EML6: variants seen among roughly 807,000 people sequenced by gnomAD.
The protein encoded by EML6 is echinoderm microtubule-associated protein-like 6.
A neutral mutation model predicts 240.1 loss-of-function variants in EML6; 154 were observed. The ratio of observed to expected loss-of-function variants is 0.64; its 90% CI spans 0.56 to 0.73. The LOEUF is 0.73. Among genes scored for constraint, EML6 ranks in the 30% least tolerant of loss-of-function variants. The pLI is 0.00. For synonymous variants in EML6, 1,148 were observed against 899.0 expected (o/e 1.28, Z -4.95); for missense variants, 2,964 against 2,474.6 (o/e 1.20, Z -4.20).
chr2:54,931,166 C>T (rs968187012), intron 28 of EML6, among the ~76,000 whole-genome samples: 7 of 152,004 alleles, frequency 4.6e-5, no homozygotes, highest in Admixed American at 4.6e-4. Context: ...ACCGTGTTAG[C>T]CAGGATGGTC....
chr2:54,847,871 A>T (rs994799479), intron 9 of EML6, among the ~76,000 whole-genome samples: 1 of 152,186 alleles, frequency 6.6e-6, no homozygotes, highest in African/African-American at 2.4e-5. Context: ...TAATCTAGTA[A>T]TCTCTTAGTA....
rs1285075755 is a variant in EML6 at position 54,910,970 on chromosome 2, G to A, written c.3426G>A (p.Val1142=). 6.5e-7 allele frequency: 1 copy of A among 1,532,752 alleles called. No individual in the cohort carries two copies. Among genetic ancestry groups the A allele is most frequent in the Non-Finnish European group, 8.8e-7 (1 of 1,133,228 alleles). 94.9% of individuals were successfully genotyped at this position (1,532,752 alleles called of 1,614,324 possible). A position where few individuals can be genotyped will look rare whatever the true frequency, so the allele number is the denominator to read the frequency against. The change falls in exon 25 of 42, where the codon GTG becomes GTA. Residue 1142 remains valine, a synonymous_variant. Transcript: ENST00000356458. ...TCGTAACAGGAAAATTATTGCAAGT[G>A]AATTCAGGTGCCAGAGAACAACTTT... ...DWDSRGKLLQ[V]NSGAREQLFF...
intron 24 of EML6, among the ~76,000 whole-genome samples, chr2:54,905,919 T>C (rs1003194764): frequency 1.4e-5 from 2 of 143,756 alleles, no homozygotes; most frequent in Non-Finnish European, 3.2e-5. Flanking sequence ...ATTTTGCTTA[T>C]CTATTTGTTG....
chr2:54,916,882 T>C lies in EML6; in HGVS notation c.3622T>C (p.Leu1208=), dbSNP rs1040697928. 1.9e-6 allele frequency: 3 copies of C among 1,549,616 alleles called. No homozygotes were observed. In the African/African-American group the frequency reaches 4.1e-5, roughly 21 times the overall value. ...CAGTCTTACCAAAGACTGTTCCCTT[T>C]TAGCCACCGGAGATGATTTTGGTTT... is the stretch of plus-strand genomic sequence containing the variant. The part of the protein sequence containing the change: ...AASLTKDCSL[L]ATGDDFGFVK... The change falls in exon 26 of 42, where the codon TTA becomes CTA. Residue 1208 remains leucine (L), a synonymous_variant. Coordinates refer to ENST00000356458, the MANE Select transcript of EML6 (RefSeq NM_001039753.4).
chr2:54,916,454 T>C (rs1336247916), intron 25 of EML6, among the ~76,000 whole-genome samples: 1 of 152,210 alleles, frequency 6.6e-6, no homozygotes, highest in Non-Finnish European at 1.5e-5. Context: ...ATCCAGCTTA[T>C]GGCTTATACA....
chr2:54,854,349 G>C (rs114719642), intron 11 of EML6, among the ~76,000 whole-genome samples: 170 of 152,218 alleles, frequency 1.1e-3, no homozygotes, highest in Non-Finnish European at 2.2e-3. Context: ...TGAAATTTTT[G>C]AGAGAAGTTT....
At chr2:54,866,381 T>A (rs1217763908) in intron 13 of EML6, among the ~76,000 whole-genome samples, 1 of 152,198 alleles carries the variant, frequency 6.6e-6, no homozygotes, top group African/African-American at 2.4e-5. Context: ...AAGAGGGATT[T>A]CAGGAGAAAA....
At position 54,971,985 on chromosome 2, in the gene EML6, A is replaced by ATC. The variant is rs1250402036; in HGVS notation, c.*1890_*1891insTC. The stretch of plus-strand genomic sequence containing the variant: ...TTCAAAGTATAAAACACATCACTTA[A>ATC]ACATTTTATGTGTCAAATAAAATTT... On this transcript the variant is annotated 3_prime_UTR_variant, in exon 42 of 42. Transcript: ENST00000356458. 3 of 152,228 alleles carry ATC rather than the reference A, an allele frequency of 2.0e-5. No individual in the cohort carries two copies. Among genetic ancestry groups the ATC allele is most frequent in the African/African-American group, 4.8e-5 (2 of 41,460 alleles). 9.4% of individuals were successfully genotyped at this position (152,228 alleles called of 1,614,324 possible).
At chr2:54,846,978 G>A (rs1277332729) in intron 8 of EML6, among the ~76,000 whole-genome samples, 1 of 144,638 alleles carries the variant, frequency 6.9e-6, no homozygotes, top group Non-Finnish European at 1.5e-5. Flanking sequence ...GGAGTGCGGT[G>A]GCAGGATCAG....
At chr2:54,903,540 GT>G in intron 24 of EML6, 38 bp downstream of exon 24, 1 of 1,324,180 alleles carries the variant, frequency 7.6e-7, no homozygotes, top group Non-Finnish European at 9.9e-7. Flanking sequence ...GAATTTCTGT[GT>G]TTAAAAAATG....
intron 16 of EML6, 45 bp from the exon 17 acceptor site, chr2:54,879,502 T>G: frequency 3.8e-6 from 5 of 1,329,910 alleles, no homozygotes; most frequent in Non-Finnish European, 5.3e-6. Flanking sequence ...AAATGTTTTG[T>G]TTTTTCATGG....
At chr2:54,845,091 A>C (rs1271893969) in intron 8 of EML6, among the ~76,000 whole-genome samples, 2 of 152,234 alleles carry the variant, frequency 1.3e-5, no homozygotes, top group African/African-American at 4.8e-5. Context: ...ACTAAAGCTC[A>C]CTAGTTCCCA....
rs542581239 is a variant in EML6, at chr2:54,849,348, A to C, written c.1188-614A>C. On this transcript the variant is annotated intron_variant, in intron 9 of 41. Coordinates refer to ENST00000356458, the MANE Select transcript of EML6 (RefSeq NM_001039753.4). ...CTATAGTTACTCCACTGATCTATCA[A>C]ACGCTGGATCTTATTTCTTCTATCA... Among the ~76,000 whole-genome samples, 6 of 152,248 alleles carry C rather than the reference A, an allele frequency of 3.9e-5. No homozygotes were observed. The South Asian group carries it at 1.0e-3, about 26-fold the overall frequency.
chr2:54,829,879 G>A (rs1382358805), intron 7 of EML6, among the ~76,000 whole-genome samples: 1 of 152,192 alleles, frequency 6.6e-6, no homozygotes, highest in Non-Finnish European at 1.5e-5. Flanking sequence ...TAGTAGTAGG[G>A]ATTAAGAGCA....
chr2:54,750,691 G>C (rs776856111), intron 2 of EML6, among the ~76,000 whole-genome samples: 4 of 152,138 alleles, frequency 2.6e-5, no homozygotes, highest in Admixed American at 6.6e-5. Context: ...TGATGCCAAT[G>C]GTCATGGGTG....
chr2:54,885,752 C>T (rs1672094188), intron 17 of EML6, among the ~76,000 whole-genome samples: 1 of 152,100 alleles, frequency 6.6e-6, no homozygotes, highest in Non-Finnish European at 1.5e-5. Flanking sequence ...GCTGGGACTA[C>T]AGGCGCCAGC....
chr2:54,790,503 C>G (rs1214449067), intron 2 of EML6, among the ~76,000 whole-genome samples: 1 of 152,122 alleles, frequency 6.6e-6, no homozygotes. Flanking sequence ...CAACACCATA[C>G]TCTATTGTCA....
At chr2:54,780,393 G>T (rs1334170123) in intron 2 of EML6, among the ~76,000 whole-genome samples, 2 of 152,180 alleles carry the variant, frequency 1.3e-5, no homozygotes, top group Non-Finnish European at 2.9e-5. Flanking sequence ...CTTTAGACTT[G>T]CATAGATAGA....
At chr2:54,788,123 G>A (rs75186175) in intron 2 of EML6, among the ~76,000 whole-genome samples, 1 of 152,160 alleles carries the variant, frequency 6.6e-6, no homozygotes, top group Non-Finnish European at 1.5e-5. Context: ...GAAAGCCTAC[G>A]GCAGAACACC....
Sources: allele counts gnomAD v4.1 joint callset (sites outside exome capture counted in the v4.1 genomes callset), GRCh38; gene constraint gnomAD v4.1.1; transcripts MANE v1.5; gene names NCBI Gene and HGNC (gene_info 2026-07-23, HGNC 2026-07-21).